SLC25A48: variants seen among roughly 807,000 people sequenced by gnomAD.
The protein encoded by SLC25A48 is CTC-321K16.1.
A neutral mutation model predicts 32.2 loss-of-function variants in SLC25A48; 29 were observed. The ratio of observed to expected loss-of-function variants is 0.90; its 90% CI spans 0.67 to 1.23. The LOEUF is 1.23. Ranked by LOEUF, SLC25A48 falls within the 50% of genes most tolerant of loss-of-function variation. SLC25A48 has a pLI of 0.00. For synonymous variants in SLC25A48, 164 were observed against 172.3 expected (o/e 0.95, Z 0.38); for missense variants, 399 against 422.7 (o/e 0.94, Z 0.49).
chr5:135,838,225 G>C (rs1417477691), intron 1 of SLC25A48, among the ~76,000 whole-genome samples: 1 of 152,192 alleles, frequency 6.6e-6, no homozygotes, highest in Non-Finnish European at 1.5e-5. Context: ...ATGTTTTAGG[G>C]TATCTGGTGG....
chr5:135,653,117 G>A (rs1303104934), intron 3 of SLC25A48, among the ~76,000 whole-genome samples: 1 of 152,120 alleles, frequency 6.6e-6, no homozygotes, highest in Non-Finnish European at 1.5e-5. Flanking sequence ...CAAGATGCTG[G>A]CACCCTGATC....
At chr5:135,876,602 C>T (rs1451064887) in intron 6 of SLC25A48, among the ~76,000 whole-genome samples, 1 of 151,950 alleles carries the variant, frequency 6.6e-6, no homozygotes, top group Non-Finnish European at 1.5e-5. Flanking sequence ...ATCTCGATGC[C>T]CTGCCTGTGG....
chr5:135,735,271 A>G (rs1427933299), intron 3 of SLC25A48, among the ~76,000 whole-genome samples: 3 of 152,160 alleles, frequency 2.0e-5, no homozygotes, highest in East Asian at 3.9e-4. Flanking sequence ...ACTTTTCTCT[A>G]TTATTGTACA....
chr5:135,597,555 G>A (rs765198531), intron 1 of SLC25A48, among the ~76,000 whole-genome samples: 4 of 152,202 alleles, frequency 2.6e-5, no homozygotes, highest in African/African-American at 4.8e-5. Context: ...CCTGCTTGCC[G>A]ATAGAAACAA....
chr5:135,705,961 C>T (rs6881599), intron 3 of SLC25A48, among the ~76,000 whole-genome samples: 100,952 of 152,048 alleles, frequency 0.66, 34,557 homozygotes, highest in Non-Finnish European at 0.76. Flanking sequence ...GTACAGCAGA[C>T]GTCCCACCTT....
chr5:135,834,081 G>T (rs896491130), upstream of SLC25A48, among the ~76,000 whole-genome samples: 2 of 152,182 alleles, frequency 1.3e-5, no homozygotes, highest in South Asian at 4.1e-4. Context: ...AAGCCTCTCC[G>T]CACAGCAGGC....
chr5:135,675,421 G>T (rs2126945549), intron 3 of SLC25A48, among the ~76,000 whole-genome samples: 1 of 151,878 alleles, frequency 6.6e-6, no homozygotes, highest in Non-Finnish European at 1.5e-5. Context: ...GCCTGCATAT[G>T]GATATCCAAT....
At chr5:135,764,791 G>A (rs1420927796) in intron 3 of SLC25A48, among the ~76,000 whole-genome samples, 1 of 150,598 alleles carries the variant, frequency 6.6e-6, no homozygotes, top group African/African-American at 2.5e-5. Flanking sequence ...GGGCGAGAGA[G>A]GGTGATATTA....
chr5:135,818,542 C>T (rs142246008), intron 4 of SLC25A48, among the ~76,000 whole-genome samples: 68 of 152,296 alleles, frequency 4.5e-4, no homozygotes, highest in African/African-American at 1.3e-3. Flanking sequence ...CCACTGTAGA[C>T]GAAAGACAAG....
intron 5 of SLC25A48, 106 bp from the exon 6 acceptor site, chr5:135,873,915 C>G: frequency 7.9e-7 from 1 of 1,273,458 alleles, no homozygotes; most frequent in Non-Finnish European, 1.0e-6. Context: ...AGCTCTGTCC[C>G]TTCTCCCAGC....
chr5:135,655,348 CCT>C (rs1753217936), intron 3 of SLC25A48, among the ~76,000 whole-genome samples: 1 of 152,156 alleles, frequency 6.6e-6, no homozygotes, highest in African/African-American at 2.4e-5. Context: ...TTCTGTGCTC[CCT>C]GTCTCAAGGA....
At chr5:135,845,998 C>T (rs1182397584) in intron 2 of SLC25A48, among the ~76,000 whole-genome samples, 2 of 152,204 alleles carry the variant, frequency 1.3e-5, no homozygotes, top group African/African-American at 4.8e-5. Context: ...CCAGTACCAG[C>T]CTGTGGCCTG....
rs552433969 is a variant in SLC25A48 at position 135,802,387 on chromosome 5, CTG to C, written c.-520-10133_-520-10132del. Among the ~76,000 whole-genome samples the C allele has an allele frequency of 4.4e-3, 662 of 151,680 alleles. 4 individuals carry two copies. Among genetic ancestry groups the C allele is most frequent in the African/African-American group, 0.015 (628 of 41,414 alleles). On this transcript the variant is annotated intron_variant, in intron 3 of 10. Transcript: ENST00000646290. Reference sequence around the variant, plus strand: ...TGGAAAAATATTACTCCTATTAACACTGTGAATGTACACCATGTGCATATACC... The same window carrying C: ...TGGAAAAATATTACTCCTATTAACACTGAATGTACACCATGTGCATATACC...
At chr5:135,582,248 C>T (rs907170738) in intron 1 of SLC25A48, among the ~76,000 whole-genome samples, 1 of 152,106 alleles carries the variant, frequency 6.6e-6, no homozygotes, top group African/African-American at 2.4e-5. Flanking sequence ...CCACTGTGTC[C>T]CAGGCGTTGT....
chr5:135,836,454 C>CT (rs1758517273), intron 1 of SLC25A48, among the ~76,000 whole-genome samples: 2 of 150,838 alleles, frequency 1.3e-5, no homozygotes, highest in South Asian at 4.2e-4. Flanking sequence ...TATATGTATT[C>CT]TTTTAAAACA....
chr5:135,737,397 T>G (rs1365360883), intron 3 of SLC25A48, among the ~76,000 whole-genome samples: 3 of 152,140 alleles, frequency 2.0e-5, no homozygotes, highest in Non-Finnish European at 2.9e-5. Flanking sequence ...TCACTTCTTT[T>G]GTGATTCTTC....
intron 3 of SLC25A48, among the ~76,000 whole-genome samples, chr5:135,777,098 G>T (rs1173554496): frequency 1.3e-5 from 2 of 151,708 alleles, no homozygotes; most frequent in Non-Finnish European, 2.9e-5. Context: ...CTGTGATATT[G>T]TTTTTAATAT....
chr5:135,614,885 C>G (rs1395587636), intron 1 of SLC25A48, among the ~76,000 whole-genome samples: 3 of 152,162 alleles, frequency 2.0e-5, no homozygotes, highest in East Asian at 3.8e-4. Context: ...ATAGTGAGTT[C>G]TCATGAGATC....
intron 3 of SLC25A48, among the ~76,000 whole-genome samples, chr5:135,694,433 T>G (rs979403111): frequency 1.9e-4 from 29 of 152,262 alleles, no homozygotes; most frequent in African/African-American, 5.5e-4. Context: ...TATTTACATA[T>G]TTAGGGATGT....
Sources: allele counts gnomAD v4.1 joint callset (sites outside exome capture counted in the v4.1 genomes callset), GRCh38; gene constraint gnomAD v4.1.1; transcripts MANE v1.5; gene names NCBI Gene and HGNC (gene_info 2026-07-23, HGNC 2026-07-21).